Variants in PDLIM5 observed in about 807,000 individuals in gnomAD.
PDLIM5 encodes the protein PDZ and LIM domain protein 5.
Under a neutral mutation model 64.2 loss-of-function variants are expected in PDLIM5, and 34 were observed. The ratio of observed to expected loss-of-function variants is 0.53; its 90% CI spans 0.40 to 0.71. The LOEUF is 0.71. Ranked by LOEUF, PDLIM5 falls within the 30% of genes least tolerant of loss-of-function variation. The pLI is 0.00. For missense variants in PDLIM5, 683 were observed against 733.6 expected, an observed-to-expected ratio of 0.93 and a Z score of 0.80; for synonymous variants, 253 against 269.1, an observed-to-expected ratio of 0.94 and a Z score of 0.59.
intron 3 of PDLIM5, among the ~76,000 whole-genome samples, chr4:94,560,706 C>G (rs1015269952): frequency 6.6e-6 from 1 of 152,012 alleles, no homozygotes; most frequent in Non-Finnish European, 1.5e-5. Context: ...ATCAAATTAA[C>G]CAGGCTAAGA....
chr4:94,487,837 C>T (rs1054540000), intron 2 of PDLIM5, among the ~76,000 whole-genome samples: 14 of 152,234 alleles, frequency 9.2e-5, no homozygotes, highest in African/African-American at 7.2e-5. Context: ...TCTGGAACAG[C>T]GTTGCTTGGT....
intron 3 of PDLIM5, among the ~76,000 whole-genome samples, chr4:94,550,676 A>G (rs953631261): frequency 1.3e-5 from 2 of 152,206 alleles, no homozygotes; most frequent in Admixed American, 6.5e-5. Flanking sequence ...TTGGAATTCT[A>G]AAACTCCAAT....
chr4:94,509,846 G>T (rs2639794), intron 2 of PDLIM5, among the ~76,000 whole-genome samples: 1 of 150,456 alleles, frequency 6.6e-6, no homozygotes, highest in East Asian at 2.0e-4. Flanking sequence ...TGATTAGATG[G>T]TGCCCACCTA....
At chr4:94,506,204 C>G (rs1480523114) in intron 2 of PDLIM5, among the ~76,000 whole-genome samples, 1 of 152,210 alleles carries the variant, frequency 6.6e-6, no homozygotes, top group East Asian at 1.9e-4. Flanking sequence ...CACAGTAATT[C>G]AGTCTTTTCA....
At chr4:94,596,482 A>G (rs1174951029) in intron 7 of PDLIM5, among the ~76,000 whole-genome samples, 1 of 152,088 alleles carries the variant, frequency 6.6e-6, no homozygotes, top group Admixed American at 6.6e-5. Context: ...CCAGATAATT[A>G]AAGAAACTTA....
chr4:94,549,662 G>T (rs1329928834), intron 3 of PDLIM5: 1 of 152,174 alleles, frequency 6.6e-6, no homozygotes, highest in East Asian at 1.9e-4. Flanking sequence ...GTGTAAAACA[G>T]TGTGCGTAGT....
intron 2 of PDLIM5, among the ~76,000 whole-genome samples, chr4:94,510,678 A>G (rs1728789105): frequency 6.6e-6 from 1 of 152,070 alleles, no homozygotes; most frequent in African/African-American, 2.4e-5. Flanking sequence ...CTTAATGCTA[A>G]TCTCAAGAAT....
At chr4:94,662,577 T>C (rs199653704) in intron 12 of PDLIM5, 40 bp downstream of exon 12, 1 of 859,606 alleles carries the variant, frequency 1.2e-6, no homozygotes, top group East Asian at 2.5e-5. Flanking sequence ...GGGTATAGTA[T>C]GGCCAATTCT....
At position 94,562,508 on chromosome 4, in the gene PDLIM5, T is replaced by C. The variant is rs78722090; in HGVS notation, c.249-10843T>C. Among the ~76,000 whole-genome samples the C allele has an allele frequency of 7.8e-4, 119 of 152,342 alleles. No homozygotes were observed. The East Asian group carries it at 0.022, about 28-fold the overall frequency. On this transcript the variant is annotated intron_variant, in intron 3 of 12. Coordinates refer to ENST00000317968, the MANE Select transcript of PDLIM5 (RefSeq NM_006457.5). ...GGTACCAGTCTAAACTGTTTGTTCC[T>C]GGTCTGTAGGGAGATAAGCACTGAA... is the stretch of plus-strand genomic sequence containing the variant.
chr4:94,468,144 T>C (rs1212708130), intron 2 of PDLIM5, among the ~76,000 whole-genome samples: 1 of 152,118 alleles, frequency 6.6e-6, no homozygotes, highest in East Asian at 1.9e-4. Context: ...GAACTTTCAC[T>C]TTTTTCCCTC....
chr4:94,571,981 G>A (rs368090982), intron 3 of PDLIM5, among the ~76,000 whole-genome samples: 60 of 152,320 alleles, frequency 3.9e-4, no homozygotes, highest in African/African-American at 1.3e-3. Context: ...CATTAGGTTA[G>A]CCAATTCTCA....
Position 94,665,098 on chromosome 4 carries a change from A to G in PDLIM5, c.*1031A>G, listed in dbSNP as rs1743007517. 3 of 945,818 alleles carry G rather than the reference A, an allele frequency of 3.2e-6. No homozygotes were observed. Among genetic ancestry groups the G allele is most frequent in the South Asian group, 9.7e-5 (2 of 20,616 alleles). 58.6% of individuals were successfully genotyped at this position (945,818 alleles called of 1,614,324 possible). ...ATTCATTGTGTATGCTTCATCACCT[A>G]TATTAGGCAAATTCCATTTTTTTCC... On this transcript the variant is annotated 3_prime_UTR_variant, in exon 13 of 13. Coordinates refer to ENST00000317968, the MANE Select transcript of PDLIM5 (RefSeq NM_006457.5).
At chr4:94,631,690 A>G (rs1740159265) in intron 8 of PDLIM5, among the ~76,000 whole-genome samples, 1 of 152,218 alleles carries the variant, frequency 6.6e-6, no homozygotes, top group Non-Finnish European at 1.5e-5. Context: ...TGATGAATTA[A>G]TGCATAAGGA....
At chr4:94,512,466 A>G (rs981915334) in intron 2 of PDLIM5, among the ~76,000 whole-genome samples, 9 of 152,140 alleles carry the variant, frequency 5.9e-5, no homozygotes, top group Non-Finnish European at 1.5e-5. Context: ...GAAGAAAGCA[A>G]TCTTAATTGG....
At chr4:94,510,063 C>T (rs10020710) in intron 2 of PDLIM5, among the ~76,000 whole-genome samples, 56,127 of 152,030 alleles carry the variant, frequency 0.37, 14,421 homozygotes, top group African/African-American at 0.74. Flanking sequence ...ACTCAGTAAA[C>T]GTATAGTAAA....
rs925147234 is a variant in PDLIM5, at chr4:94,455,703, A to G, written c.96+319A>G. ...TCTGAATCTTCGTTCTTTCATATATAATTTTCAAAGGTTGTGCTATGGGAT... is the reference window on the plus strand; with the variant it reads ...TCTGAATCTTCGTTCTTTCATATATGATTTTCAAAGGTTGTGCTATGGGAT... On this transcript the variant is annotated intron_variant, in intron 2 of 12. Coordinates refer to ENST00000317968, the MANE Select transcript of PDLIM5 (RefSeq NM_006457.5). The G allele has an allele frequency of 3.1e-6, 4 of 1,287,660 alleles. No homozygotes were observed. The African/African-American group carries it at 5.9e-5, about 19-fold the overall frequency. 79.8% of individuals were successfully genotyped at this position (1,287,660 alleles called of 1,614,324 possible). A position where few individuals can be genotyped will look rare whatever the true frequency, so the allele number is the denominator to read the frequency against.
At chr4:94,492,970 AC>A (rs1320030128) in intron 2 of PDLIM5, among the ~76,000 whole-genome samples, 2 of 152,176 alleles carry the variant, frequency 1.3e-5, no homozygotes, top group Non-Finnish European at 2.9e-5. Context: ...AACTGGGTGC[AC>A]CATTTTAACT....
chr4:94,624,883 G>A (rs1446332368), intron 8 of PDLIM5, among the ~76,000 whole-genome samples: 5 of 152,224 alleles, frequency 3.3e-5, no homozygotes, highest in South Asian at 4.1e-4. Context: ...TTATAAGCCG[G>A]AAGTGGCAAA....
chr4:94,554,587 C>T (rs2110218839), intron 3 of PDLIM5, among the ~76,000 whole-genome samples: 1 of 152,294 alleles, frequency 6.6e-6, no homozygotes. Context: ...GCAACTGCCA[C>T]ACTAGCTAAT....
Sources: gnomAD v4.1 joint callset for allele counts (sites outside exome capture counted in the v4.1 genomes callset) on GRCh38, gnomAD v4.1.1 for gene constraint, MANE v1.5 for transcripts, NCBI Gene and HGNC (gene_info 2026-07-23, HGNC 2026-07-21) for gene names.